TYW1B: variants seen among roughly 807,000 people sequenced by gnomAD.
TYW1B encodes the protein S-adenosyl-L-methionine-dependent tRNA 4-demethylwyosine synthase TYW1B.
In TYW1B, 73 loss-of-function variants were observed where a neutral mutation model predicts 86.9. The observed-to-expected ratio is 0.84, with a 90% confidence interval of 0.70 to 1.02. TYW1B has a LOEUF of 1.02. Ranked by LOEUF, TYW1B falls within the 50% of genes least tolerant of loss-of-function variation. The probability of loss-of-function intolerance (pLI) is 0.00; values close to 1 mark genes in which losing one functional copy is unlikely to be tolerated. For synonymous variants in TYW1B, 248 were observed against 292.8 expected (o/e 0.85, Z 1.56); for missense variants, 637 against 827.4 (o/e 0.77, Z 2.82).
chr7:72,776,738 G>C (rs1554470640), intron 7 of TYW1B, among the ~76,000 whole-genome samples: 1 of 151,250 alleles, frequency 6.6e-6, no homozygotes, highest in African/African-American at 2.4e-5. Context: ...ATAGAAAATA[G>C]CAAGATAAAT....
At position 72,790,232 on chromosome 7, in the gene TYW1B, C is replaced by T. The variant is rs573326630; in HGVS notation, c.846+12168G>A. On this transcript the variant is annotated intron_variant, in intron 6 of 13. Transcript: ENST00000620995. Reference sequence around the variant, plus strand: ...AAATGCTGGGATGACAGGTGTGAGCCACTGTGCCCGGCCAGGAGTATCTTT... The same window carrying T: ...AAATGCTGGGATGACAGGTGTGAGCTACTGTGCCCGGCCAGGAGTATCTTT... Among the ~76,000 whole-genome samples, 17 of 152,066 alleles carry T rather than the reference C, an allele frequency of 1.1e-4. No homozygotes were observed. The South Asian group carries it at 2.9e-3, about 26-fold the overall frequency.
chr7:72,746,675 G>A (rs1254720660), intron 7 of TYW1B, among the ~76,000 whole-genome samples: 2 of 152,114 alleles, frequency 1.3e-5, no homozygotes, highest in East Asian at 1.9e-4. Context: ...ATAAGAACAG[G>A]AAGAGAGACC....
intron 9 of TYW1B, among the ~76,000 whole-genome samples, chr7:72,719,631 CAAAAAAAAAAAA>C (rs67560586): frequency 1.4e-4 from 9 of 65,056 alleles, no homozygotes; most frequent in Admixed American, 6.5e-4. Context: ...ATTCCGTCTC[CAAAAAAAAAAAA>C]AAAAAAAAAA....
chr7:72,656,195 C>T (rs1554443591), intron 11 of TYW1B, among the ~76,000 whole-genome samples: 1 of 152,166 alleles, frequency 6.6e-6, no homozygotes, highest in African/African-American at 2.4e-5. Flanking sequence ...GAGAGGAACT[C>T]TCACACACCA....
At chr7:72,624,094 C>T (rs1349573951) in intron 12 of TYW1B, among the ~76,000 whole-genome samples, 21 of 152,170 alleles carry the variant, frequency 1.4e-4, no homozygotes, top group Non-Finnish European at 1.2e-4. Flanking sequence ...AGCCACCAGG[C>T]CCAGCCAATG....
chr7:72,715,099 T>C (rs1554455572), intron 9 of TYW1B, among the ~76,000 whole-genome samples: 2 of 152,064 alleles, frequency 1.3e-5, no homozygotes, highest in South Asian at 2.1e-4. Flanking sequence ...TGGAATCACC[T>C]TGGAATCTTA....
chr7:72,788,297 GCTC>G (rs1788163022), intron 6 of TYW1B, among the ~76,000 whole-genome samples: 1 of 152,074 alleles, frequency 6.6e-6, no homozygotes, highest in Admixed American at 6.6e-5. Context: ...ATTCTTAATA[GCTC>G]CTCTTCCCGG....
chr7:72,738,707 C>T (rs1787245396), intron 8 of TYW1B, among the ~76,000 whole-genome samples: 1 of 152,044 alleles, frequency 6.6e-6, no homozygotes, highest in African/African-American at 2.4e-5. Context: ...ACAGGATGAC[C>T]TAAGAGATAC....
chr7:72,644,867 A>G (rs1347376734), intron 11 of TYW1B, among the ~76,000 whole-genome samples: 1 of 123,754 alleles, frequency 8.1e-6, no homozygotes, highest in Admixed American at 1.0e-4. Context: ...TCTCTCTGTT[A>G]CCCAGGCTGG....
intron 4 of TYW1B, among the ~76,000 whole-genome samples, chr7:72,809,892 CG>C (rs1563101857): frequency 6.6e-6 from 1 of 150,706 alleles, no homozygotes; most frequent in African/African-American, 2.4e-5. Context: ...CCCAGCTACT[CG>C]GGAGGCTGAT....
intron 6 of TYW1B, among the ~76,000 whole-genome samples, chr7:72,795,128 C>T (rs1485978368): frequency 4.6e-5 from 7 of 151,914 alleles, no homozygotes; most frequent in Non-Finnish European, 8.8e-5. Flanking sequence ...CCTCCTACTT[C>T]TGTTTATCTG....
intron 13 of TYW1B, among the ~76,000 whole-genome samples, chr7:72,613,207 T>G (rs1811978916): frequency 6.6e-6 from 1 of 152,132 alleles, no homozygotes; most frequent in Non-Finnish European, 1.5e-5. Flanking sequence ...GATTAGGGGT[T>G]GGGTAACTGT....
chr7:72,699,565 C>A (rs782520609), intron 10 of TYW1B, among the ~76,000 whole-genome samples: 2 of 152,110 alleles, frequency 1.3e-5, no homozygotes, highest in Non-Finnish European at 2.9e-5. Flanking sequence ...CTCTAATAAC[C>A]GAAAGGTTGC....
chr7:72,678,236 T>C (rs1813781796), intron 11 of TYW1B, among the ~76,000 whole-genome samples: 1 of 152,126 alleles, frequency 6.6e-6, no homozygotes, highest in Non-Finnish European at 1.5e-5. Context: ...AGTCTGGTGC[T>C]GATGCTGCTA....
Position 72,632,322 on chromosome 7 carries a change from T to TA in TYW1B, c.1507-3326dup, listed in dbSNP as rs1491127975. Among the ~76,000 whole-genome samples, 89 of 51,704 alleles carry TA rather than the reference T, an allele frequency of 1.7e-3. 6 individuals are homozygous for TA. In the East Asian group the frequency reaches 0.062, roughly 36 times the overall value. The allele number at this position is 51,704 out of a possible 152,430, so 33.9% of individuals were successfully genotyped here. A position where few individuals can be genotyped will look rare whatever the true frequency, so the allele number is the denominator to read the frequency against. On this transcript the variant is annotated intron_variant, in intron 11 of 13. Transcript: ENST00000620995. ...ATACGTGTATATATATTATATATAT[T>TA]ATATATATATACACGTATATATATT...
intron 2 of TYW1B, among the ~76,000 whole-genome samples, chr7:72,820,701 C>G (rs1388020711): frequency 1.3e-5 from 2 of 152,122 alleles, no homozygotes; most frequent in Non-Finnish European, 2.9e-5. Context: ...ACCCCTCCCC[C>G]AGGGATTCAT....
intron 8 of TYW1B, among the ~76,000 whole-genome samples, chr7:72,741,543 G>A (rs1787304980): frequency 6.6e-6 from 1 of 152,072 alleles, no homozygotes; most frequent in Non-Finnish European, 1.5e-5. Context: ...GTTCCAGAAG[G>A]AGATAAGAAG....
rs781946026 is a variant in TYW1B at position 72,694,751 on chromosome 7, T to A, written c.1442A>T (p.Asp481Val). 23 of 1,613,838 alleles carry A rather than the reference T, an allele frequency of 1.4e-5. No homozygotes were observed. Among genetic ancestry groups the A allele is most frequent in the Non-Finnish European group, 1.9e-5 (22 of 1,179,978 alleles). Residue 481 changes from aspartate (D) to valine (V), a missense_variant, in exon 11 of 14, where the codon GAC becomes GTC. Asp to Val is a radical substitution (Grantham distance 152, BLOSUM62 -3). Coordinates refer to ENST00000620995, the MANE Select transcript of TYW1B (RefSeq NM_001145440.3). ...CCAGAAATCCTTGAAGAGTGGGCGG[T>A]CGATTTTCTTCAGGCTGTCTTTGGT... ...ASTKDSLKKI[D>V]RPLFKDFWQQ...
At chr7:72,635,363 C>G (rs1258999290) in intron 11 of TYW1B, among the ~76,000 whole-genome samples, 1 of 152,146 alleles carries the variant, frequency 6.6e-6, no homozygotes, top group East Asian at 1.9e-4. Context: ...AGAGACGGTT[C>G]TCAACCAGGA....
Sources: gnomAD v4.1 joint callset for allele counts (sites outside exome capture counted in the v4.1 genomes callset) on GRCh38, gnomAD v4.1.1 for gene constraint, MANE v1.5 for transcripts, NCBI Gene and HGNC (gene_info 2026-07-23, HGNC 2026-07-21) for gene names.